Variants in CBFA2T3 observed in about 807,000 individuals in gnomAD.
The protein encoded by CBFA2T3 is transcriptional corepressor CBFA2T3.
A neutral mutation model predicts 58.6 loss-of-function variants in CBFA2T3; 31 were observed. The ratio of observed to expected loss-of-function variants is 0.53; its 90% CI spans 0.40 to 0.71. CBFA2T3 has a LOEUF of 0.71. Ranked by LOEUF, CBFA2T3 falls within the 30% of genes least tolerant of loss-of-function variation. The pLI is 0.00. For missense variants in CBFA2T3, 1,076 were observed against 963.1 expected (o/e 1.12, Z -1.55); for synonymous variants, 531 against 421.9 (o/e 1.26, Z -3.17).
At chr16:88,949,881 G>A (rs1972005606) in intron 1 of CBFA2T3, among the ~76,000 whole-genome samples, 2 of 151,994 alleles carry the variant, frequency 1.3e-5, no homozygotes, top group South Asian at 4.2e-4. Flanking sequence ...GTGGTGGTGG[G>A]TGCCTGTAAT....
At chr16:88,887,466 G>A (rs1028060540) in intron 5 of CBFA2T3, among the ~76,000 whole-genome samples, 16 of 152,238 alleles carry the variant, frequency 1.1e-4, no homozygotes, top group East Asian at 1.9e-4. Flanking sequence ...GCTGAGGCCA[G>A]CTGGGAGCCG....
intron 1 of CBFA2T3, among the ~76,000 whole-genome samples, chr16:88,921,397 G>A (rs1970914855): frequency 6.6e-6 from 1 of 152,262 alleles, no homozygotes; most frequent in African/African-American, 2.4e-5. Context: ...CAGCTTGGCA[G>A]GATCGGAAAT....
intron 3 of CBFA2T3, among the ~76,000 whole-genome samples, chr16:88,893,306 C>G (rs1009892117): frequency 6.8e-6 from 1 of 147,934 alleles, no homozygotes; most frequent in Admixed American, 6.6e-5. Context: ...TGTGCCCCCC[C>G]CGACACACAG....
intron 3 of CBFA2T3, among the ~76,000 whole-genome samples, chr16:88,892,785 G>T (rs984420399): frequency 6.6e-6 from 1 of 152,200 alleles, no homozygotes; most frequent in Non-Finnish European, 1.5e-5. Context: ...CTTTGCCCCA[G>T]GTCCCCAATG....
intron 1 of CBFA2T3, among the ~76,000 whole-genome samples, chr16:88,926,203 C>T (rs1018471611): frequency 3.9e-5 from 6 of 152,216 alleles, no homozygotes; most frequent in South Asian, 2.1e-4. Flanking sequence ...CTTCTGGGGC[C>T]GGGCTGCCGC....
intron 1 of CBFA2T3, among the ~76,000 whole-genome samples, chr16:88,973,636 G>A (rs1156440370): frequency 6.6e-6 from 1 of 152,130 alleles, no homozygotes; most frequent in African/African-American, 2.4e-5. Flanking sequence ...GAACATTCTG[G>A]ACCCAGGACG....
At chr16:88,976,623 C>G in intron 1 of CBFA2T3, 34 bp downstream of exon 1, 1 of 1,498,158 alleles carries the variant, frequency 6.7e-7, no homozygotes, top group East Asian at 2.5e-5. Flanking sequence ...CGCTCTCTGC[C>G]CCCACCCCAC....
intron 1 of CBFA2T3, among the ~76,000 whole-genome samples, chr16:88,931,877 G>A (rs1236714792): frequency 6.6e-6 from 1 of 152,016 alleles, no homozygotes; most frequent in African/African-American, 2.4e-5. Context: ...GGGGAGGAGG[G>A]TTTGGGGAGG....
chr16:88,943,871 C>T (rs1022467335), intron 1 of CBFA2T3, among the ~76,000 whole-genome samples: 6 of 152,120 alleles, frequency 3.9e-5, no homozygotes, highest in Admixed American at 6.5e-5. Flanking sequence ...GCAGTCTGTC[C>T]GACAAGGCCA....
intron 1 of CBFA2T3, among the ~76,000 whole-genome samples, chr16:88,951,860 G>T (rs1972082474): frequency 6.6e-6 from 1 of 152,232 alleles, no homozygotes; most frequent in African/African-American, 2.4e-5. Context: ...CGGAGGGTGT[G>T]CTAATGGTTG....
At chr16:88,919,576 G>A (rs1308147122) in intron 1 of CBFA2T3, among the ~76,000 whole-genome samples, 1 of 152,166 alleles carries the variant, frequency 6.6e-6, no homozygotes, top group Non-Finnish European at 1.5e-5. Flanking sequence ...TGATCACAAG[G>A]GCAAAACCCA....
chr16:88,880,920 C>T (rs1192661990), intron 9 of CBFA2T3, 132 bp from the exon 10 acceptor site: 6 of 856,914 alleles, frequency 7.0e-6, no homozygotes. Context: ...GCCCAGGTGC[C>T]CTCGGACAAG....
chr16:88,910,847 C>T lies in CBFA2T3; in HGVS notation c.152-9191G>A, dbSNP rs891546367. ...GACAGTGGGTGTCCCCCCAAATCCC[C>T]TCGTATCCAGATGACCAGGAGGCGG... is the stretch of plus-strand genomic sequence containing the variant. On this transcript the variant is annotated intron_variant, in intron 1 of 11. Coordinates refer to ENST00000268679, the MANE Select transcript of CBFA2T3 (RefSeq NM_005187.6). Among the ~76,000 whole-genome samples, 4 of 152,146 alleles carry T rather than the reference C, an allele frequency of 2.6e-5. No individual in the cohort carries two copies. The East Asian group carries it at 7.7e-4, about 29-fold the overall frequency.
intron 1 of CBFA2T3, among the ~76,000 whole-genome samples, chr16:88,914,538 G>A (rs1300238906): frequency 9.2e-5 from 14 of 152,228 alleles, no homozygotes; most frequent in Non-Finnish European, 2.9e-5. Flanking sequence ...AAATGTGATC[G>A]TGGTTGCCGG....
intron 5 of CBFA2T3, among the ~76,000 whole-genome samples, chr16:88,891,472 C>T (rs1241212181): frequency 6.6e-6 from 1 of 152,216 alleles, no homozygotes; most frequent in African/African-American, 2.4e-5. Context: ...CAGGAGGGAC[C>T]TGCTGCATGT....
At chr16:88,967,601 C>G (rs1328715997) in intron 1 of CBFA2T3, among the ~76,000 whole-genome samples, 1 of 152,020 alleles carries the variant, frequency 6.6e-6, no homozygotes, top group Non-Finnish European at 1.5e-5. Flanking sequence ...GCTGGGGACA[C>G]TGGACCTACA....
At chr16:88,934,740 C>G (rs547287240) in intron 1 of CBFA2T3, among the ~76,000 whole-genome samples, 2 of 152,208 alleles carry the variant, frequency 1.3e-5, no homozygotes, top group Non-Finnish European at 1.5e-5. Flanking sequence ...TTCAGAAGGA[C>G]GCATTCTTTT....
At chr16:88,942,035 G>C (rs1238866759) in intron 1 of CBFA2T3, among the ~76,000 whole-genome samples, 1 of 152,038 alleles carries the variant, frequency 6.6e-6, no homozygotes, top group East Asian at 1.9e-4. Flanking sequence ...GGTCCGATGC[G>C]AAGCCCTCGC....
chr16:88,891,812 C>G, intron 5 of CBFA2T3, 70 bp downstream of exon 5: 1 of 1,092,662 alleles, frequency 9.2e-7, no homozygotes. Context: ...GCTGTCCACG[C>G]TGGCAAGGAG....
Sources: allele counts gnomAD v4.1 joint callset (sites outside exome capture counted in the v4.1 genomes callset), GRCh38; gene constraint gnomAD v4.1.1; transcripts MANE v1.5; gene names NCBI Gene and HGNC (gene_info 2026-07-23, HGNC 2026-07-21).